EPAS1: variants seen among roughly 807,000 people sequenced by gnomAD.
EPAS1 encodes the protein endothelial PAS domain protein 1, also known as endothelial PAS domain-containing protein 1.
Under a neutral mutation model 87.9 loss-of-function variants are expected in EPAS1, and 23 were observed. The observed-to-expected ratio is 0.26, with a 90% CI of 0.19 to 0.37. The LOEUF is 0.37. Ranked by LOEUF, EPAS1 falls within the 10% of genes least tolerant of loss-of-function variation. The pLI is 1.00. For synonymous variants in EPAS1, 508 were observed against 444.3 expected, an observed-to-expected ratio of 1.14 and a Z score of -1.80; for missense variants, 1,138 against 1,120.7, an observed-to-expected ratio of 1.02 and a Z score of -0.22.
At position 46,360,835 on chromosome 2, in the gene EPAS1, C is replaced by T. The variant is rs568299439; in HGVS notation, c.574-50C>T. 6.2e-7 allele frequency: 1 copy of T among 1,612,542 alleles called. No individual in the cohort carries two copies. Among genetic ancestry groups the T allele is most frequent in the Non-Finnish European group, 8.5e-7 (1 of 1,178,574 alleles). On this transcript the variant is annotated intron_variant, in intron 5 of 15. Coordinates refer to ENST00000263734, the MANE Select transcript of EPAS1 (RefSeq NM_001430.5). This position sits in a 1 kb window ranked among gnomAD's most constrained non-coding sequence, Gnocchi z 4.5. The stretch of plus-strand genomic sequence containing the variant: ...CAGGGGATGCCTAAGGCCCTACCCC[C>T]ACCCCCAGCACTCTCGGCTCCATGT...
chr2:46,352,979 G>T (rs927282427), intron 2 of EPAS1, among the ~76,000 whole-genome samples: 1 of 152,238 alleles, frequency 6.6e-6, no homozygotes, highest in Non-Finnish European at 1.5e-5. Flanking sequence ...GAAATTTTAA[G>T]CAGGACTATT....
rs1226524740 is a variant in EPAS1 at position 46,385,944 on chromosome 2, A to C, written c.*1284A>C. On this transcript the variant is annotated 3_prime_UTR_variant, in exon 16 of 16. Coordinates refer to ENST00000263734, the MANE Select transcript of EPAS1 (RefSeq NM_001430.5). ...ATAGTGACCCCGTCCACGTCCTCCA[A>C]GCTCACGACCTTGGAGCCCCGTGGA... 2.0e-5 allele frequency: 3 copies of C among 152,516 alleles called. No individual in the cohort carries two copies. The highest frequency in any genetic ancestry group is 1.3e-4 in the Admixed American group (2 of 15,282). 9.4% of individuals were successfully genotyped at this position (152,516 alleles called of 1,614,324 possible).
intron 1 of EPAS1, among the ~76,000 whole-genome samples, chr2:46,329,001 A>G (rs545365187): frequency 6.6e-6 from 1 of 152,368 alleles, no homozygotes; most frequent in East Asian, 1.9e-4. Context: ...TGAAGTAAAC[A>G]TTATTCCTAA....
At chr2:46,350,683 G>A (rs1245266177) in intron 2 of EPAS1, among the ~76,000 whole-genome samples, 1 of 152,214 alleles carries the variant, frequency 6.6e-6, no homozygotes, top group Non-Finnish European at 1.5e-5. Context: ...CATTCTGAGG[G>A]CATTAAACCG....
At chr2:46,374,839 C>A (rs1049559196) in intron 7 of EPAS1, among the ~76,000 whole-genome samples, 14 of 152,152 alleles carry the variant, frequency 9.2e-5, no homozygotes, top group African/African-American at 3.1e-4. Context: ...AACCCTTCCC[C>A]AAGGTAGACA....
intron 1 of EPAS1, among the ~76,000 whole-genome samples, chr2:46,306,563 C>T (rs992751467): frequency 2.0e-5 from 3 of 152,182 alleles, no homozygotes; most frequent in Non-Finnish European, 4.4e-5. Flanking sequence ...GGCCTCCTTC[C>T]TACCTTTATG....
chr2:46,335,006 G>A (rs993860983), intron 1 of EPAS1, among the ~76,000 whole-genome samples: 1 of 152,110 alleles, frequency 6.6e-6, no homozygotes, highest in Non-Finnish European at 1.5e-5. Flanking sequence ...TATAAAGGAA[G>A]CCCAGGACAG....
At chr2:46,379,597 G>A (rs932429735) in intron 11 of EPAS1, 2 of 161,618 alleles carry the variant, frequency 1.2e-5, no homozygotes, top group Admixed American at 5.7e-5. Context: ...GTCAGTCTCT[G>A]AAGTTAGAAA....
At chr2:46,356,127 T>TGGGGGGGGGGGGCGGGGGG in intron 2 of EPAS1, 24 bp from the exon 3 acceptor site, 2 of 1,395,474 alleles carry the variant, frequency 1.4e-6, no homozygotes, top group Non-Finnish European at 2.0e-6. Context: ...TCATGCAAGC[T>TGGGGGGGGGGGGCGGGGGG]GTCCCACCCC....
chr2:46,369,021 C>T (rs1330028567), intron 6 of EPAS1, among the ~76,000 whole-genome samples: 1 of 152,142 alleles, frequency 6.6e-6, no homozygotes, highest in Non-Finnish European at 1.5e-5. Context: ...GCCCACTTCC[C>T]ATCAAAACCA....
intron 7 of EPAS1, among the ~76,000 whole-genome samples, chr2:46,374,002 C>T (rs1394125177): frequency 3.9e-5 from 6 of 152,198 alleles, no homozygotes; most frequent in East Asian, 1.9e-4. Flanking sequence ...CCTTAGTGAG[C>T]GCCCTATGTG....
At chr2:46,324,569 T>G (rs976440364) in intron 1 of EPAS1, among the ~76,000 whole-genome samples, 1 of 152,206 alleles carries the variant, frequency 6.6e-6, no homozygotes, top group African/African-American at 2.4e-5. Flanking sequence ...AAGACACAGT[T>G]AAAGGGAGCA....
In EPAS1 at chr2:46,360,851, G is replaced by A. The variant is rs764986922; in HGVS notation, c.574-34G>A. On this transcript the variant is annotated intron_variant, in intron 5 of 15. Transcript: ENST00000263734. This position sits in a 1 kb window ranked among gnomAD's most constrained non-coding sequence, Gnocchi z 4.5. The stretch of plus-strand genomic sequence containing the variant: ...CCCTACCCCCACCCCCAGCACTCTC[G>A]GCTCCATGTCTGACCCTTCCACGCC... 5.0e-6 allele frequency: 8 copies of A among 1,613,848 alleles called. No individual in the cohort carries two copies. The highest frequency in any genetic ancestry group is 2.2e-5 in the South Asian group (2 of 91,072).
Position 46,360,752 on chromosome 2 carries a change from G to T in EPAS1, c.569G>T (p.Trp190Leu). The T allele has an allele frequency of 6.2e-7, 1 of 1,614,082 alleles. No individual in the cohort carries two copies. Among genetic ancestry groups the T allele is most frequent in the South Asian group, 1.1e-5 (1 of 91,086 alleles). ...GRTVNLKSATWKVLHCTGQVK... is the reference protein window; with the variant it reads ...GRTVNLKSATLKVLHCTGQVK... ...ACTGTCAACCTCAAGTCAGCCACCT[G>T]GAAGGTAGGGCAACATCAGGCCTGG... The change falls in exon 5 of 16, where the codon TGG becomes TTG. Residue 190 changes from tryptophan (W) to leucine (L), a missense_variant. Around this residue, in one of 4 missense-constraint regions of EPAS1, gnomAD observed 351 missense variants for 417.1 expected, o/e 0.84. Coordinates refer to ENST00000263734, the MANE Select transcript of EPAS1 (RefSeq NM_001430.5). The surrounding 1 kb of genome is among the most constrained non-coding windows in gnomAD (Gnocchi z 4.5).
At chr2:46,356,851 G>A (rs1444925905) in intron 4 of EPAS1, 43 bp downstream of exon 4, 9 of 1,420,914 alleles carry the variant, frequency 6.3e-6, no homozygotes, top group African/African-American at 1.4e-5. Context: ...CCCACTGGGT[G>A]GGAATCTGCC....
chr2:46,344,805 G>A (rs1034234706), intron 1 of EPAS1, among the ~76,000 whole-genome samples: 2 of 152,182 alleles, frequency 1.3e-5, no homozygotes, highest in Non-Finnish European at 2.9e-5. Flanking sequence ...TTTTTCTGAA[G>A]GTTCTTCTTG....
In EPAS1 at chr2:46,380,338, C is replaced by T; in HGVS notation, c.1666C>T (p.Pro556Ser). The T allele has an allele frequency of 6.2e-7, 1 of 1,614,142 alleles. No homozygotes were observed. Among genetic ancestry groups the T allele is most frequent in the Non-Finnish European group, 8.5e-7 (1 of 1,180,008 alleles). ...CGAGGAGCGGCTCTTGGCGGAGAAC[C>T]CACAGTCCACCCCCCAGCACTGCTT... The part of the protein sequence containing the change: ...CPEERLLAEN[P>S]QSTPQHCFSA... Residue 556 changes from proline to serine, a missense_variant, in exon 12 of 16, where the codon CCA becomes TCA. Pro to Ser is a moderately conservative substitution (Grantham distance 74). This residue lies in a region of EPAS1 where 502 missense variants were observed against 427.1 expected (regional missense o/e 1.18). Transcript: ENST00000263734. The surrounding 1 kb of genome is among the most constrained non-coding windows in gnomAD (Gnocchi z 4.4).
chr2:46,341,579 C>T (rs1163183824), intron 1 of EPAS1, among the ~76,000 whole-genome samples: 1 of 152,210 alleles, frequency 6.6e-6, no homozygotes, highest in African/African-American at 2.4e-5. Context: ...ATCACACCAA[C>T]TCCTAGATAA....
intron 1 of EPAS1, among the ~76,000 whole-genome samples, chr2:46,338,750 G>A (rs570319443): frequency 3.9e-5 from 6 of 152,332 alleles, no homozygotes; most frequent in Admixed American, 6.5e-5. Context: ...GAGAGAGCTG[G>A]CCATGGGAAA....
Sources: allele counts gnomAD v4.1 joint callset (sites outside exome capture counted in the v4.1 genomes callset), GRCh38; gene constraint gnomAD v4.1.1; regional missense constraint gnomAD v4.1.1; non-coding constraint Gnocchi (gnomAD v3.1); transcripts MANE v1.5; gene names NCBI Gene and HGNC (gene_info 2026-07-23, HGNC 2026-07-21).